ST18: variants seen among roughly 807,000 people sequenced by gnomAD.
ST18 encodes the protein suppression of tumorigenicity 18 protein.
ST18 carries 50 observed loss-of-function variants against 110.0 expected under a neutral mutation model. The ratio of observed to expected loss-of-function variants is 0.45; its 90% CI spans 0.36 to 0.58. ST18 has a LOEUF of 0.58. Among genes scored for constraint, ST18 ranks in the 20% least tolerant of loss-of-function variants. ST18 has a pLI of 0.00. For synonymous variants in ST18, 461 were observed against 452.4 expected (o/e 1.02, Z -0.24); for missense variants, 1,306 against 1,280.1 (o/e 1.02, Z -0.31).
At chr8:52,149,708 T>A (rs1470029977) in intron 16 of ST18, 24 bp downstream of exon 16, 2 of 1,607,122 alleles carry the variant, frequency 1.2e-6, no homozygotes, top group Non-Finnish European at 1.7e-6. Context: ...CTTCAACTTA[T>A]TGATTGACAT....
At chr8:52,294,462 A>C (rs1185233729) in intron 2 of ST18, 1 of 152,238 alleles carries the variant, frequency 6.6e-6, no homozygotes, top group Non-Finnish European at 1.5e-5. Context: ...CAAGGCCCCC[A>C]GGAACTTCCT....
chr8:52,263,778 GCT>G (rs1399738709), intron 2 of ST18, among the ~76,000 whole-genome samples: 4 of 115,286 alleles, frequency 3.5e-5, no homozygotes, highest in African/African-American at 1.4e-4. Flanking sequence ...ACAGAGTCTT[GCT>G]CTGTCACCCA....
chr8:52,294,253 T>C lies in ST18; in HGVS notation c.-464-64176A>G, dbSNP rs572370267. Among the ~76,000 whole-genome samples, 28 of 152,318 alleles carry C rather than the reference T, an allele frequency of 1.8e-4. No individual in the cohort carries two copies. In the South Asian group the frequency reaches 4.6e-3, roughly 25 times the overall value. ...GATGGGAAGTATCACTGGCCCAAAATGAAGCCAACCTGAGATCCGTCATTT... is the reference window on the plus strand; with the variant it reads ...GATGGGAAGTATCACTGGCCCAAAACGAAGCCAACCTGAGATCCGTCATTT... On this transcript the variant is annotated intron_variant, in intron 2 of 25. Transcript: ENST00000689386.
At chr8:52,123,064 T>C (rs979199505) in intron 23 of ST18, among the ~76,000 whole-genome samples, 4 of 152,160 alleles carry the variant, frequency 2.6e-5, no homozygotes, top group South Asian at 2.1e-4. Context: ...TTCTTTCTTA[T>C]ACAGATGGCC....
intron 2 of ST18, among the ~76,000 whole-genome samples, chr8:52,280,943 A>G (rs1293456008): frequency 2.0e-5 from 3 of 152,118 alleles, no homozygotes; most frequent in Non-Finnish European, 4.4e-5. Flanking sequence ...ATGATGATAT[A>G]CTAGAAAATA....
chr8:52,205,718 C>A (rs2079759018), intron 8 of ST18, among the ~76,000 whole-genome samples: 1 of 152,108 alleles, frequency 6.6e-6, no homozygotes, highest in African/African-American at 2.4e-5. Context: ...CAGGTGCGTG[C>A]CACCACCCCT....
At chr8:52,378,026 T>C (rs1034598817) in intron 2 of ST18, among the ~76,000 whole-genome samples, 1 of 152,190 alleles carries the variant, frequency 6.6e-6, no homozygotes, top group African/African-American at 2.4e-5. Context: ...AAATTTCACA[T>C]GTACTCACTT....
At chr8:52,273,225 T>C (rs545571916) in intron 2 of ST18, among the ~76,000 whole-genome samples, 2 of 152,292 alleles carry the variant, frequency 1.3e-5, no homozygotes, top group African/African-American at 4.8e-5. Flanking sequence ...CCAGCCTGAG[T>C]TGCAGTCTAA....
intron 8 of ST18, among the ~76,000 whole-genome samples, chr8:52,183,934 A>T (rs2070947781): frequency 6.6e-6 from 1 of 152,192 alleles, no homozygotes; most frequent in Admixed American, 6.5e-5. Context: ...CCCAGGCAGC[A>T]TTTGGAGCTG....
intron 2 of ST18, among the ~76,000 whole-genome samples, chr8:52,398,561 C>A (rs1481731126): frequency 6.6e-6 from 1 of 152,028 alleles, no homozygotes; most frequent in Non-Finnish European, 1.5e-5. Flanking sequence ...TCATAAATGG[C>A]TTTTATTATG....
rs1174210057 is a variant in ST18, at chr8:52,180,254, C to A, written c.145G>T (p.Val49Phe). 1 of 1,614,168 alleles carries A rather than the reference C, an allele frequency of 6.2e-7. No homozygotes were observed. The highest frequency in any genetic ancestry group is 1.1e-5 in the South Asian group (1 of 91,076). ...AGGGATTTCCTTTTGTTGACTGGAA[C>A]CCCCAAAGCCTGATCTTCAGCTGTT... Reference protein sequence around the residue: ...KRTAEDQALGVPVNKRKSLLM... With the variant: ...KRTAEDQALGFPVNKRKSLLM... The change falls in exon 9 of 26, where the codon GTT (valine) becomes TTT (phenylalanine). Residue 49 changes from valine to phenylalanine, a missense_variant. Coordinates refer to ENST00000689386, the MANE Select transcript of ST18 (RefSeq NM_001352837.2).
At chr8:52,116,906 G>A (rs953633955) in intron 24 of ST18, among the ~76,000 whole-genome samples, 5 of 151,980 alleles carry the variant, frequency 3.3e-5, no homozygotes, top group Non-Finnish European at 7.4e-5. Flanking sequence ...CTACCTTCTC[G>A]TGGGTGGCCT....
chr8:52,160,598 A>G (rs1057292760), intron 14 of ST18, among the ~76,000 whole-genome samples: 1 of 152,226 alleles, frequency 6.6e-6, no homozygotes, highest in African/African-American at 2.4e-5. Context: ...CCTTTGTGGA[A>G]GTTAAGTGAC....
At chr8:52,174,849 C>A (rs2066294316) in intron 9 of ST18, among the ~76,000 whole-genome samples, 1 of 152,190 alleles carries the variant, frequency 6.6e-6, no homozygotes, top group Non-Finnish European at 1.5e-5. Context: ...CCCTCCCAGG[C>A]TTTCACTGGA....
intron 2 of ST18, among the ~76,000 whole-genome samples, chr8:52,352,668 G>C (rs1367821087): frequency 6.6e-6 from 1 of 152,154 alleles, no homozygotes; most frequent in Non-Finnish European, 1.5e-5. Context: ...CCCGTGCTGG[G>C]CACTAGCGAC....
chr8:52,389,900 A>C (rs1838690193), intron 2 of ST18, among the ~76,000 whole-genome samples: 1 of 152,206 alleles, frequency 6.6e-6, no homozygotes, highest in Admixed American at 6.5e-5. Flanking sequence ...ACAGCTGGCT[A>C]TTGTGCATTT....
intron 15 of ST18, among the ~76,000 whole-genome samples, chr8:52,152,235 C>T (rs1301655285): frequency 6.6e-6 from 1 of 152,166 alleles, no homozygotes; most frequent in African/African-American, 2.4e-5. Context: ...GAGAAGGGTC[C>T]CTTTCTGCCC....
intron 24 of ST18, 109 bp downstream of exon 24, chr8:52,118,229 T>C: frequency 1.5e-6 from 1 of 671,022 alleles, no homozygotes; most frequent in Non-Finnish European, 2.5e-6. Context: ...ACTCAGCATA[T>C]TGACTCTAAG....
Position 52,273,586 on chromosome 8 carries a change from G to A in ST18, c.-464-43509C>T, listed in dbSNP as rs114909774. ...GTTTTTCCAGCTTAAAAGTATACAAGGATCTGTCAACAGAAGGCTTTTATT... is the reference window on the plus strand; with the variant it reads ...GTTTTTCCAGCTTAAAAGTATACAAAGATCTGTCAACAGAAGGCTTTTATT... On this transcript the variant is annotated intron_variant, in intron 2 of 25. Coordinates refer to ENST00000689386, the MANE Select transcript of ST18 (RefSeq NM_001352837.2). 1.2e-3 allele frequency among the ~76,000 whole-genome samples: 180 copies of A among 152,264 alleles called. 1 individual carries two copies. Among genetic ancestry groups the A allele is most frequent in the African/African-American group, 4.1e-3 (172 of 41,546 alleles).
Sources: allele counts gnomAD v4.1 joint callset (sites outside exome capture counted in the v4.1 genomes callset), GRCh38; gene constraint gnomAD v4.1.1; transcripts MANE v1.5; gene names NCBI Gene and HGNC (gene_info 2026-07-23, HGNC 2026-07-21).